The following LRP8 variants were observed in gnomAD, a reference collection of about 807,000 sequenced individuals.
The protein encoded by LRP8 is LDL receptor related protein 8, also known as low-density lipoprotein receptor-related protein 8.
Under a neutral mutation model 111.6 loss-of-function variants are expected in LRP8, and 46 were observed. The ratio of observed to expected loss-of-function variants is 0.41; its 90% CI spans 0.33 to 0.53. The LOEUF (loss-of-function observed/expected upper bound fraction) is 0.53. LRP8 is among the 20% of genes least tolerant of loss of function. LRP8 has a pLI of 0.20. For missense variants in LRP8, 959 were observed against 1,297.4 expected, an observed-to-expected ratio of 0.74 and a Z score of 4.01; for synonymous variants, 464 against 511.2, an observed-to-expected ratio of 0.91 and a Z score of 1.24.
chr1:53,256,572 A>G (rs539994742), intron 15 of LRP8, among the ~76,000 whole-genome samples: 19 of 152,374 alleles, frequency 1.2e-4, no homozygotes, highest in African/African-American at 3.8e-4. Context: ...TGGGCTGTCC[A>G]TGTAGGGGAA....
In LRP8 at chr1:53,255,126, C is replaced by T. The variant is rs374161826; in HGVS notation, c.2494G>A (p.Val832Met). 1.9e-5 allele frequency: 30 copies of T among 1,613,408 alleles called. No individual in the cohort carries two copies. Among genetic ancestry groups the T allele is most frequent in the Admixed American group, 1.3e-4 (8 of 59,974 alleles). ...TVTAAVIGII[V>M]PIVVIALLCM... ...TGGGGGCCACACTCACCTATGGGCA[C>T]GATGATCCCGATAACAGCGGCAGTG... The change falls in exon 16 of 19, where the codon GTG becomes ATG. Residue 832 changes from valine (V) to methionine (M), a missense_variant. Physicochemically the swap from Val to Met is conservative, Grantham distance 21. Transcript: ENST00000306052.
chr1:53,253,210 T>A (rs143595670), intron 16 of LRP8, among the ~76,000 whole-genome samples: 10 of 152,326 alleles, frequency 6.6e-5, no homozygotes, highest in Non-Finnish European at 1.3e-4. Flanking sequence ...GAGGCTGGCC[T>A]TCTTAAGCAA....
At chr1:53,289,981 C>G (rs905957747) in intron 2 of LRP8, among the ~76,000 whole-genome samples, 6 of 152,190 alleles carry the variant, frequency 3.9e-5, no homozygotes, top group Admixed American at 6.5e-5. Context: ...CTGCCACTGT[C>G]CCCAGGAAGC....
At chr1:53,295,148 C>T (rs936312610) in intron 2 of LRP8, among the ~76,000 whole-genome samples, 27 of 152,158 alleles carry the variant, frequency 1.8e-4, no homozygotes, top group East Asian at 1.2e-3. Context: ...GCAAGCCAGG[C>T]GAGGGCCACC....
chr1:53,321,804 C>A (rs564182661), intron 2 of LRP8, among the ~76,000 whole-genome samples: 11 of 152,292 alleles, frequency 7.2e-5, no homozygotes, highest in African/African-American at 2.6e-4. Context: ...CCTCCCCAGG[C>A]ACAGCCAAGA....
At chr1:53,312,604 C>T (rs527866168) in intron 2 of LRP8, among the ~76,000 whole-genome samples, 2 of 152,182 alleles carry the variant, frequency 1.3e-5, no homozygotes, top group South Asian at 4.2e-4. Flanking sequence ...GTGATCCTCC[C>T]ATCTCAGCCT....
At chr1:53,258,734 A>G (rs914055950) in intron 13 of LRP8, among the ~76,000 whole-genome samples, 1 of 149,056 alleles carries the variant, frequency 6.7e-6, no homozygotes, top group African/African-American at 2.5e-5. Flanking sequence ...ATTGTACCTA[A>G]TGTGTAATTT....
At chr1:53,269,123 C>T (rs187255890) in intron 8 of LRP8, among the ~76,000 whole-genome samples, 2 of 152,350 alleles carry the variant, frequency 1.3e-5, no homozygotes, top group Admixed American at 1.3e-4. Context: ...CAAGCCACCT[C>T]TCTGGCTTCA....
At chr1:53,255,717 A>G (rs1317145271) in intron 15 of LRP8, among the ~76,000 whole-genome samples, 3 of 152,234 alleles carry the variant, frequency 2.0e-5, no homozygotes, top group African/African-American at 7.2e-5. Context: ...TCTGTGTCAG[A>G]CTTCTGGGTT....
chr1:53,286,799 C>A (rs1283638273), intron 3 of LRP8, among the ~76,000 whole-genome samples: 1 of 152,264 alleles, frequency 6.6e-6, no homozygotes, highest in African/African-American at 2.4e-5. Context: ...CTGTAAGAAT[C>A]TAACATCTTA....
Position 53,273,548 on chromosome 1 carries a change from G to A in LRP8, c.1006+2083C>T, listed in dbSNP as rs188039994. 7.0e-4 allele frequency among the ~76,000 whole-genome samples: 106 copies of A among 152,356 alleles called. 1 individual carries two copies. Among genetic ancestry groups the A allele is most frequent in the Non-Finnish European group, 9.4e-4 (64 of 68,024 alleles). ...TTGGTGTGTCATGCAAACGACGAGA[G>A]AGAAGAGAGGGATTAGTAGGACAGT... On this transcript the variant is annotated intron_variant, in intron 6 of 18. Coordinates refer to ENST00000306052, the MANE Select transcript of LRP8 (RefSeq NM_004631.5).
At chr1:53,295,394 T>C (rs183141190) in intron 2 of LRP8, among the ~76,000 whole-genome samples, 2 of 151,260 alleles carry the variant, frequency 1.3e-5, no homozygotes, top group East Asian at 3.9e-4. Flanking sequence ...CCTGGTGGAG[T>C]TGTTCACCAA....
chr1:53,282,617 G>A (rs928672216), intron 3 of LRP8, among the ~76,000 whole-genome samples: 5 of 152,102 alleles, frequency 3.3e-5, no homozygotes, highest in Admixed American at 2.6e-4. Flanking sequence ...TCAAAGGGTG[G>A]GGGGTGAGGG....
chr1:53,254,811 A>G (rs1646020389), intron 16 of LRP8, among the ~76,000 whole-genome samples: 1 of 152,188 alleles, frequency 6.6e-6, no homozygotes, highest in Admixed American at 6.5e-5. Flanking sequence ...GAGAATGGTG[A>G]GCAAGAGATA....
At position 53,258,390 on chromosome 1, in the gene LRP8, T is replaced by G. The variant is rs1376527036; in HGVS notation, c.2138A>C (p.His713Pro). 3 of 1,613,720 alleles carry G rather than the reference T, an allele frequency of 1.9e-6. No individual in the cohort carries two copies. Among genetic ancestry groups the G allele is most frequent in the Non-Finnish European group, 2.5e-6 (3 of 1,179,956 alleles). Residue 713 changes from histidine to proline, a missense_variant, in exon 14 of 19, where the codon CAC becomes CCC. Around this residue, in one of 3 missense-constraint regions of LRP8, gnomAD observed 819 missense variants for 1,097.6 expected, o/e 0.75. Coordinates refer to ENST00000306052, the MANE Select transcript of LRP8 (RefSeq NM_004631.5). ...ACAGGCACATGTGTACTTGGGAGAGTGGCTGGAGATCTGAGGAGCAGGAAG... is the reference window on the plus strand; with the variant it reads ...ACAGGCACATGTGTACTTGGGAGAGGGGCTGGAGATCTGAGGAGCAGGAAG... ...LCLPAPQISS[H>P]SPKYTCACPD...
At chr1:53,300,217 A>T (rs577476605) in intron 2 of LRP8, among the ~76,000 whole-genome samples, 1 of 152,332 alleles carries the variant, frequency 6.6e-6, no homozygotes, top group South Asian at 2.1e-4. Context: ...TGGACAAGCC[A>T]TTGGCCTTCA....
chr1:53,276,429 G>A (rs2100420335), intron 5 of LRP8, among the ~76,000 whole-genome samples: 1 of 151,932 alleles, frequency 6.6e-6, no homozygotes, highest in Middle Eastern at 3.4e-3. Context: ...GGGGGATGGG[G>A]GTGGGAAGTA....
Position 53,327,934 on chromosome 1 carries a change from G to GCCGCGCC in LRP8, c.-29_-23dup. On this transcript the variant is annotated 5_prime_UTR_variant, in exon 1 of 19. Transcript: ENST00000306052. ...CCATGGCGGGCCCGGGGCTCCGGCCGCCGCGCCCCGCGCTCCCCGCGCCGC... is the reference window on the plus strand; with the variant it reads ...CCATGGCGGGCCCGGGGCTCCGGCCGCCGCGCCCCGCGCCCCGCGCTCCCCGCGCCGC... The GCCGCGCC allele has an allele frequency of 8.6e-7, 1 of 1,162,634 alleles. No individual in the cohort carries two copies. The highest frequency in any genetic ancestry group is 3.5e-4 in the Middle Eastern group (1 of 2,862). 72.0% of individuals were successfully genotyped at this position (1,162,634 alleles called of 1,614,324 possible). A position where few individuals can be genotyped will look rare whatever the true frequency, so the allele number is the denominator to read the frequency against.
intron 10 of LRP8, among the ~76,000 whole-genome samples, chr1:53,263,741 A>G (rs1646436297): frequency 6.6e-6 from 1 of 152,152 alleles, no homozygotes; most frequent in Non-Finnish European, 1.5e-5. Context: ...AGGGAGATAG[A>G]TTTGGCATTA....
Sources: gnomAD v4.1 joint callset for allele counts (sites outside exome capture counted in the v4.1 genomes callset) on GRCh38, gnomAD v4.1.1 for gene constraint, gnomAD v4.1.1 regional missense constraint, MANE v1.5 for transcripts, NCBI Gene and HGNC (gene_info 2026-07-23, HGNC 2026-07-21) for gene names.